Variants in VPS35L observed in about 807,000 individuals in gnomAD.
VPS35L encodes VPS35 endosomal protein-sorting factor-like.
A neutral mutation model predicts 133.0 loss-of-function variants in VPS35L; 83 were observed. The ratio of observed to expected loss-of-function variants is 0.62; its 90% confidence interval spans 0.52 to 0.75. VPS35L has a LOEUF of 0.75. Ranked by LOEUF, VPS35L falls within the 30% of genes least tolerant of loss-of-function variation. VPS35L has a pLI of 0.00. For synonymous variants in VPS35L, 423 were observed against 449.9 expected (o/e 0.94, Z 0.76); for missense variants, 1,083 against 1,206.8 (o/e 0.90, Z 1.52).
intron 12 of VPS35L, among the ~76,000 whole-genome samples, chr16:19,615,694 C>A (rs143929456): frequency 1.3e-5 from 2 of 150,830 alleles, no homozygotes; most frequent in Non-Finnish European, 3.0e-5. Context: ...ATAGGCCGGG[C>A]GCTGTGGCTC....
intron 1 of VPS35L, among the ~76,000 whole-genome samples, chr16:19,563,507 T>C (rs1031431177): frequency 3.2e-4 from 48 of 152,288 alleles, no homozygotes; most frequent in Non-Finnish European, 3.1e-4. Context: ...GAGACTGTTC[T>C]TGCACATTCT....
intron 22 of VPS35L, among the ~76,000 whole-genome samples, chr16:19,644,599 C>T (rs1973881783): frequency 6.6e-6 from 1 of 152,120 alleles, no homozygotes; most frequent in African/African-American, 2.4e-5. Flanking sequence ...TGACATTAGA[C>T]CTTGCTGCCC....
At chr16:19,667,192 G>C (rs1401607510) in intron 26 of VPS35L, among the ~76,000 whole-genome samples, 2 of 151,796 alleles carry the variant, frequency 1.3e-5, no homozygotes, top group Non-Finnish European at 2.9e-5. Context: ...TCAAACTCCT[G>C]ACCTCAAGTG....
At chr16:19,618,900 C>T (rs1972983926) in intron 14 of VPS35L, among the ~76,000 whole-genome samples, 1 of 150,322 alleles carries the variant, frequency 6.7e-6, no homozygotes, top group African/African-American at 2.4e-5. Flanking sequence ...GCCAGCGTAA[C>T]TTATTTTTCT....
intron 7 of VPS35L, among the ~76,000 whole-genome samples, chr16:19,589,242 ATTTTTTTAACC>A (rs1350007055): frequency 6.6e-6 from 1 of 151,960 alleles, no homozygotes; most frequent in East Asian, 1.9e-4. Flanking sequence ...GGCTATTCAA[ATTTTTTTAACC>A]TTTTTTCTGA....
intron 14 of VPS35L, chr16:19,617,131 G>A (rs1367176462): frequency 3.6e-6 from 2 of 562,998 alleles, no homozygotes; most frequent in African/African-American, 1.9e-5. Flanking sequence ...CAAGGTGGGA[G>A]GATCACTTGA....
chr16:19,690,393 C>A (rs1448002188), intron 28 of VPS35L, among the ~76,000 whole-genome samples: 1 of 152,208 alleles, frequency 6.6e-6, no homozygotes, highest in African/African-American at 2.4e-5. Context: ...GCCTGTCTTA[C>A]TCTAGGCAGT....
chr16:19,594,615 G>C (rs906129564), intron 8 of VPS35L, among the ~76,000 whole-genome samples: 2 of 116,798 alleles, frequency 1.7e-5, no homozygotes, highest in Non-Finnish European at 3.2e-5. Context: ...CTGCACTCCA[G>C]CCTGTGCCAC....
At chr16:19,596,277 T>C (rs1972212714) in intron 8 of VPS35L, among the ~76,000 whole-genome samples, 1 of 88,314 alleles carries the variant, frequency 1.1e-5, no homozygotes, top group Non-Finnish European at 2.2e-5. Context: ...GGAATGCATA[T>C]ACCATTTTTT....
intron 29 of VPS35L, among the ~76,000 whole-genome samples, chr16:19,696,635 G>A (rs1004212310): frequency 6.6e-6 from 1 of 151,988 alleles, no homozygotes; most frequent in African/African-American, 2.4e-5. Flanking sequence ...CCCAAGCTAC[G>A]TGTTTGTATT....
chr16:19,660,373 G>A (rs938719741), intron 26 of VPS35L, among the ~76,000 whole-genome samples: 11 of 151,734 alleles, frequency 7.2e-5, no homozygotes, highest in East Asian at 1.9e-4. Context: ...TCTATTCTTC[G>A]ATCTTCCTGG....
In VPS35L at chr16:19,691,254, C is replaced by T. The variant is rs562116832; in HGVS notation, c.2528-99C>T. 6.8e-5 allele frequency: 63 copies of T among 921,316 alleles called. 1 individual carries two copies. The South Asian group carries it at 8.5e-4, about 12-fold the overall frequency. The allele number at this position is 921,316 out of a possible 1,614,324, so 57.1% of individuals were successfully genotyped here. On this transcript the variant is annotated intron_variant, in intron 28 of 30. Transcript: ENST00000417362. ...CATGTGCCCTGCCACGACTTCCTGC[C>T]ATCTGCTGACTCGGTGTGACATGAC...
intron 13 of VPS35L, 145 bp downstream of exon 13, chr16:19,616,336 A>G (rs1296317238): frequency 2.8e-6 from 2 of 709,272 alleles, no homozygotes; most frequent in East Asian, 5.2e-5. Flanking sequence ...CTTCTGTTGT[A>G]GACAATTAAA....
chr16:19,648,475 T>C (rs1974022891), intron 24 of VPS35L, among the ~76,000 whole-genome samples: 1 of 152,200 alleles, frequency 6.6e-6, no homozygotes, highest in African/African-American at 2.4e-5. Flanking sequence ...CCTTCTTACG[T>C]AACAAGAGGT....
rs550216721 is a variant in VPS35L, at chr16:19,647,122, G to A, written c.1930-662G>A. On this transcript the variant is annotated intron_variant, in intron 23 of 30. Transcript: ENST00000417362. ...ATTCAGGATTAGCCTTTCAATTCCCGTGTTAGGAAACAGACATATGGATTT... is the reference window on the plus strand; with the variant it reads ...ATTCAGGATTAGCCTTTCAATTCCCATGTTAGGAAACAGACATATGGATTT... 9.2e-5 allele frequency among the ~76,000 whole-genome samples: 14 copies of A among 152,212 alleles called. No individual in the cohort carries two copies. The South Asian group carries it at 2.3e-3, about 25-fold the overall frequency.
chr16:19,694,430 G>T (rs950132052), intron 29 of VPS35L: 4 of 151,884 alleles, frequency 2.6e-5, no homozygotes, highest in Admixed American at 2.6e-4. Context: ...CCTTTAGCTT[G>T]TACTAATTAG....
intron 7 of VPS35L, among the ~76,000 whole-genome samples, chr16:19,585,411 T>A (rs1026696752): frequency 7.3e-6 from 1 of 136,190 alleles, no homozygotes; most frequent in African/African-American, 2.5e-5. Context: ...TTTTTCTTTT[T>A]TTTTTTTTTT....
chr16:19,559,994 C>T (rs573272908), intron 1 of VPS35L, among the ~76,000 whole-genome samples: 13 of 152,098 alleles, frequency 8.5e-5, no homozygotes, highest in Non-Finnish European at 1.6e-4. Flanking sequence ...TGAGCCACTG[C>T]GCCCGGCCCA....
chr16:19,626,194 G>A lies in VPS35L; in HGVS notation c.1242G>A (p.Met414Ile). The change falls in exon 15 of 31, where the codon ATG (methionine) becomes ATA (isoleucine). Residue 414 changes from methionine to isoleucine, a missense_variant. Transcript: ENST00000417362. ...YHAPEALLTEMMERCKKLGNN... is the reference protein window; with the variant it reads ...YHAPEALLTEIMERCKKLGNN... ...CATAATAGGCTCTGCTGACCGAGATGATGGAAAGGTGTAAGAAACTAGGAA... is the reference window on the plus strand; with the variant it reads ...CATAATAGGCTCTGCTGACCGAGATAATGGAAAGGTGTAAGAAACTAGGAA... 2 of 1,600,222 alleles carry A rather than the reference G, an allele frequency of 1.2e-6. No homozygotes were observed. The highest frequency in any genetic ancestry group is 1.7e-6 in the Non-Finnish European group (2 of 1,171,690).
Sources: gnomAD v4.1 joint callset for allele counts (sites outside exome capture counted in the v4.1 genomes callset) on GRCh38, gnomAD v4.1.1 for gene constraint, MANE v1.5 for transcripts, NCBI Gene and HGNC (gene_info 2026-07-23, HGNC 2026-07-21) for gene names.